The following SMARCA1 variants were observed in gnomAD, a reference collection of about 807,000 sequenced individuals.
The protein encoded by SMARCA1 is SNF2 related chromatin remodeling ATPase 1, also known as SWI/SNF-related matrix-associated actin-dependent regulator of chromatin subfamily A member 1.
SMARCA1 carries 17 observed loss-of-function variants against 93.6 expected under a neutral mutation model. The observed-to-expected ratio is 0.18, with a 90% CI of 0.12 to 0.27. The LOEUF (loss-of-function observed/expected upper bound fraction) is 0.27. Ranked by LOEUF, SMARCA1 falls within the 10% of genes least tolerant of loss-of-function variation. The pLI is 1.00. For synonymous variants in SMARCA1, 271 were observed against 271.4 expected (o/e 1.00, Z 0.01); for missense variants, 630 against 819.0 (o/e 0.77, Z 2.82).
chrX:129,487,976 T>C (rs1259666529), intron 16 of SMARCA1, among the ~76,000 whole-genome samples: 1 of 111,190 alleles, frequency 9.0e-6, no homozygotes, highest in Non-Finnish European at 1.9e-5. Context: ...CTGAAGTATG[T>C]CTGAGATTTG....
At position 129,516,505 on chromosome X, in the gene SMARCA1, G is replaced by T. The variant is rs374322714; in HGVS notation, c.262-8C>A. 4.0e-5 allele frequency: 47 copies of T among 1,186,307 alleles called. No individual in the cohort carries two copies. The African/African-American group carries it at 7.3e-4, about 18-fold the overall frequency. The stretch of plus-strand genomic sequence containing the variant: ...CTTTGCTCGGTCGGCTTTCTAATTT[G>T]CAAAACAAAAGAAAAGTAAGGACTT... On this transcript the variant is annotated splice_polypyrimidine_tract_variant and splice_region_variant and intron_variant, in intron 2 of 24. Coordinates refer to ENST00000371121, the MANE Select transcript of SMARCA1 (RefSeq NM_001282874.2).
intron 23 of SMARCA1, among the ~76,000 whole-genome samples, chrX:129,453,993 A>C (rs959747035): frequency 1.8e-5 from 2 of 111,938 alleles, no homozygotes; most frequent in Non-Finnish European, 3.8e-5. Context: ...AGACAATCCT[A>C]AACAAAAAGA....
intron 19 of SMARCA1, among the ~76,000 whole-genome samples, chrX:129,476,417 A>G (rs1302435370): frequency 2.7e-5 from 3 of 112,218 alleles, no homozygotes; most frequent in African/African-American, 9.7e-5. Flanking sequence ...ACAGAAAATA[A>G]AAATGCAAAT....
intron 17 of SMARCA1, among the ~76,000 whole-genome samples, chrX:129,486,416 A>C (rs1384692453): frequency 9.0e-6 from 1 of 111,657 alleles, no homozygotes; most frequent in Non-Finnish European, 1.9e-5. Context: ...AAGTTTTAAA[A>C]TCTCAGCCTT....
At chrX:129,490,340 T>A in intron 14 of SMARCA1, 148 bp from the exon 15 acceptor site, 1 of 360,209 alleles carries the variant, frequency 2.8e-6, no homozygotes, top group Non-Finnish European at 4.8e-6. Context: ...TGAGAATATC[T>A]AAAGACCACT....
intron 8 of SMARCA1, 52 bp from the exon 9 acceptor site, chrX:129,504,854 C>T (rs754756297): frequency 8.0e-6 from 6 of 752,904 alleles, no homozygotes; most frequent in Non-Finnish European, 1.0e-5. Flanking sequence ...TTAAATATAC[C>T]CGATATTCTG....
At chrX:129,482,362 G>T in intron 17 of SMARCA1, among the ~76,000 whole-genome samples, 2 of 111,028 alleles carry the variant, frequency 1.8e-5, no homozygotes, top group African/African-American at 6.5e-5. Context: ...AGAAAAAAAA[G>T]AAAGAAACAG....
Position 129,447,156 on chromosome X carries a change from T to A in SMARCA1, c.*6A>T. 1.7e-6 allele frequency: 2 copies of A among 1,143,272 alleles called. No individual in the cohort carries two copies. Among genetic ancestry groups the A allele is most frequent in the Non-Finnish European group, 2.3e-6 (2 of 865,061 alleles). The allele number at this position is 1,143,272 out of a possible 1,213,427, so 94.2% of individuals were successfully genotyped here. On this transcript the variant is annotated 3_prime_UTR_variant, in exon 25 of 25. Coordinates refer to ENST00000371121, the MANE Select transcript of SMARCA1 (RefSeq NM_001282874.2). Reference sequence around the variant, plus strand: ...AGTTTCCCATTTAAAACTTTATTTCTAGGCTTTAGGATTTCACCTTCTTGA... The same window carrying A: ...AGTTTCCCATTTAAAACTTTATTTCAAGGCTTTAGGATTTCACCTTCTTGA...
chrX:129,480,691 G>GA lies in SMARCA1; in HGVS notation c.2442+9dup, dbSNP rs769567585. On this transcript the variant is annotated intron_variant, in intron 19 of 24. Transcript: ENST00000371121. ...TATATTATATTAATCTTAAAAAATG[G>GA]AAAAAATACCTTATAGCCTATTGTC... 6.0e-5 allele frequency: 53 copies of GA among 889,459 alleles called. No homozygotes were observed. The Middle Eastern group carries it at 1.8e-3, about 30-fold the overall frequency. The allele number at this position is 889,459 out of a possible 1,213,427, so 73.3% of individuals were successfully genotyped here.
intron 5 of SMARCA1, 95 bp from the exon 6 acceptor site, chrX:129,512,078 A>G: frequency 1.5e-6 from 1 of 668,093 alleles, no homozygotes; most frequent in South Asian, 3.2e-5. Context: ...TTTGTCCACT[A>G]TCTCGCAAAG....
At position 129,483,769 on chromosome X, in the gene SMARCA1, T is replaced by G. The variant is rs184567157; in HGVS notation, c.2218-2584A>C. 1.3e-3 allele frequency among the ~76,000 whole-genome samples: 145 copies of G among 112,164 alleles called. 1 individual carries two copies. Among genetic ancestry groups the G allele is most frequent in the Middle Eastern group, 4.6e-3 (1 of 216 alleles). On this transcript the variant is annotated intron_variant, in intron 17 of 24. Transcript: ENST00000371121. ...TAATGCTAACTTATCTGGGTTAATT[T>G]ATTCAGGATCACAGCCATCATGATT...
chrX:129,511,762 ATAT>A, intron 6 of SMARCA1, 39 bp downstream of exon 6: 1 of 1,041,755 alleles, frequency 9.6e-7, no homozygotes, highest in Non-Finnish European at 1.3e-6. Context: ...TCCAGAAATG[ATAT>A]TATTCTTAAC....
chrX:129,496,540 T>C (rs1934335948), intron 12 of SMARCA1, among the ~76,000 whole-genome samples: 1 of 110,716 alleles, frequency 9.0e-6, no homozygotes, highest in Admixed American at 9.6e-5. Flanking sequence ...AGATAAGTGG[T>C]GATGTCTTTG....
chrX:129,514,694 A>T (rs1167356266), intron 5 of SMARCA1, among the ~76,000 whole-genome samples: 4 of 112,004 alleles, frequency 3.6e-5, no homozygotes, highest in Admixed American at 2.9e-4. Flanking sequence ...CAAGGAAAGT[A>T]AGAAAGACAA....
intron 9 of SMARCA1, among the ~76,000 whole-genome samples, chrX:129,502,745 T>C (rs976171483): frequency 9.6e-4 from 107 of 111,699 alleles, no homozygotes; most frequent in African/African-American, 3.2e-3. Context: ...GGTACGTGTT[T>C]GGATTTGGAA....
rs1934149887 is a variant in SMARCA1, at chrX:129,492,092, T to G, written c.1664A>C (p.Glu555Ala). 4 of 1,115,602 alleles carry G rather than the reference T, an allele frequency of 3.6e-6. No individual in the cohort carries two copies. In the East Asian group the frequency reaches 1.2e-4, roughly 33 times the overall value. The allele number at this position is 1,115,602 out of a possible 1,213,427, so 91.9% of individuals were successfully genotyped here. A position where few individuals can be genotyped will look rare whatever the true frequency, so the allele number is the denominator to read the frequency against. Reference sequence around the variant, plus strand: ...AGGAGCATTAAAAGCCTCTATTGCTTCCTTTATTTTTTATTGATAAAGGGA... The same window carrying G: ...AGGAGCATTAAAAGCCTCTATTGCTGCCTTTATTTTTTATTGATAAAGGGA... ...FLEVEFLGQR[E>A]AIEAFNAPNS... The change falls in exon 14 of 25, where the codon GAA becomes GCA. Residue 555 changes from glutamate to alanine, a missense_variant and splice_region_variant. Coordinates refer to ENST00000371121, the MANE Select transcript of SMARCA1 (RefSeq NM_001282874.2).
At chrX:129,459,051 T>C (rs1932755962) in intron 23 of SMARCA1, among the ~76,000 whole-genome samples, 2 of 112,327 alleles carry the variant, frequency 1.8e-5, no homozygotes, top group African/African-American at 6.5e-5. Flanking sequence ...AATAAACATA[T>C]CCTACATTTC....
At chrX:129,476,303 T>C (rs150188384) in intron 19 of SMARCA1, among the ~76,000 whole-genome samples, 289 of 112,106 alleles carry the variant, frequency 2.6e-3, no homozygotes, top group Middle Eastern at 0.014. Context: ...AACAAATACT[T>C]CTCTCACCTT....
At chrX:129,498,142 C>A in intron 10 of SMARCA1, 71 bp from the exon 11 acceptor site, 2 of 635,844 alleles carry the variant, frequency 3.1e-6, no homozygotes, top group Admixed American at 2.6e-5. Context: ...TTCCTTTGGC[C>A]ATCAGATTAG....
Sources: allele counts gnomAD v4.1 joint callset (sites outside exome capture counted in the v4.1 genomes callset), GRCh38; gene constraint gnomAD v4.1.1; transcripts MANE v1.5; gene names NCBI Gene and HGNC (gene_info 2026-07-23, HGNC 2026-07-21).